The following DIS3L2 variants were observed in gnomAD, a reference collection of about 807,000 sequenced individuals.
The protein encoded by DIS3L2 is DIS3-like exonuclease 2.
A neutral mutation model predicts 97.5 loss-of-function variants in DIS3L2; 34 were observed. The observed-to-expected ratio is 0.35, with a 90% confidence interval of 0.27 to 0.46. DIS3L2 has a LOEUF of 0.46. DIS3L2 is among the 20% of genes least tolerant of loss of function. The pLI, the probability that DIS3L2 is intolerant of heterozygous loss-of-function variation, is 1.00. For missense variants in DIS3L2, 1,038 were observed against 1,146.0 expected (o/e 0.91, Z 1.36); for synonymous variants, 435 against 445.2 (o/e 0.98, Z 0.29).
At chr2:231,978,135 C>T (rs2106174194) in intron 1 of DIS3L2, among the ~76,000 whole-genome samples, 1 of 152,266 alleles carries the variant, frequency 6.6e-6, no homozygotes, top group Middle Eastern at 3.4e-3. Context: ...ATTCTATAGT[C>T]TTATTTGTTG....
At chr2:232,211,063 CAAAG>C (rs1194718831) in intron 10 of DIS3L2, among the ~76,000 whole-genome samples, 12 of 151,834 alleles carry the variant, frequency 7.9e-5, no homozygotes, top group Non-Finnish European at 1.8e-4. Flanking sequence ...AATTGACTCT[CAAAG>C]AAAAAATGTG....
In DIS3L2 at chr2:232,329,869, G is replaced by T; in HGVS notation, c.1796G>T (p.Arg599Leu). ...ATGGCAGTGGCCCACAAGATCCACC[G>T]CGCCTTCCCCGAGCAGGCCCTGCTG... The part of the protein sequence containing the change: ...ANMAVAHKIH[R>L]AFPEQALLRR... The change falls in exon 15 of 21, where the codon CGC (arginine) becomes CTC (leucine). Residue 599 changes from arginine (R) to leucine (L), a missense_variant. Arg to Leu is a moderately radical substitution (Grantham distance 102). This residue lies in a region of DIS3L2 where 813 missense variants were observed against 880.1 expected (regional missense o/e 0.92). Transcript: ENST00000325385. 1 of 1,398,384 alleles carries T rather than the reference G, an allele frequency of 7.2e-7. No individual in the cohort carries two copies. The highest frequency in any genetic ancestry group is 1.1e-5 in the South Asian group (1 of 87,742). The allele number at this position is 1,398,384 out of a possible 1,614,324, so 86.6% of individuals were successfully genotyped here.
intron 9 of DIS3L2, among the ~76,000 whole-genome samples, chr2:232,192,668 G>C (rs931643608): frequency 6.6e-6 from 1 of 152,222 alleles, no homozygotes; most frequent in Non-Finnish European, 1.5e-5. Flanking sequence ...AGGGGACAGT[G>C]TGGAAGTGGT....
At chr2:232,045,317 G>A (rs914666772) in intron 5 of DIS3L2, among the ~76,000 whole-genome samples, 1 of 152,160 alleles carries the variant, frequency 6.6e-6, no homozygotes, top group African/African-American at 2.4e-5. Flanking sequence ...CTTTGTTGGG[G>A]ATGTTTCTTA....
At chr2:232,007,776 A>G (rs1231670548) in intron 1 of DIS3L2, among the ~76,000 whole-genome samples, 1 of 152,202 alleles carries the variant, frequency 6.6e-6, no homozygotes, top group Admixed American at 6.5e-5. Flanking sequence ...GAACTATCTT[A>G]TCTGTTTACA....
chr2:232,282,604 G>A (rs1486265447), intron 13 of DIS3L2, among the ~76,000 whole-genome samples: 2 of 152,180 alleles, frequency 1.3e-5, no homozygotes, highest in African/African-American at 4.8e-5. Flanking sequence ...AGATGACCTC[G>A]TGGGCAGTTC....
At chr2:232,214,053 A>G (rs1352973012) in intron 10 of DIS3L2, among the ~76,000 whole-genome samples, 2 of 152,242 alleles carry the variant, frequency 1.3e-5, no homozygotes, top group East Asian at 1.9e-4. Context: ...CCAGCAATGT[A>G]GAGTTTTTCA....
intron 5 of DIS3L2, among the ~76,000 whole-genome samples, chr2:232,049,559 C>T (rs1034310051): frequency 6.6e-6 from 1 of 152,194 alleles, no homozygotes; most frequent in Non-Finnish European, 1.5e-5. Flanking sequence ...AGAAAGCCCT[C>T]ACCAGATGCT....
At chr2:232,305,961 A>T (rs1015278546) in intron 14 of DIS3L2, among the ~76,000 whole-genome samples, 1 of 152,100 alleles carries the variant, frequency 6.6e-6, no homozygotes, top group Admixed American at 6.5e-5. Flanking sequence ...TCTCAGAAAA[A>T]AAAAAAAAAG....
At chr2:232,176,153 A>G (rs1250230173) in intron 9 of DIS3L2, among the ~76,000 whole-genome samples, 1 of 152,228 alleles carries the variant, frequency 6.6e-6, no homozygotes, top group African/African-American at 2.4e-5. Context: ...GGCCTCCCAA[A>G]GTGCTGGGAT....
intron 13 of DIS3L2, among the ~76,000 whole-genome samples, chr2:232,270,846 GCT>G (rs1244674885): frequency 2.8e-5 from 4 of 145,400 alleles, no homozygotes; most frequent in African/African-American, 1.0e-4. Flanking sequence ...GCACTCGCGC[GCT>G]CTCTTTTTCT....
At chr2:232,096,050 T>C (rs1182839572) in intron 6 of DIS3L2, among the ~76,000 whole-genome samples, 1 of 151,666 alleles carries the variant, frequency 6.6e-6, no homozygotes. Flanking sequence ...TCCCTGACCT[T>C]TAGGAGTTTG....
intron 15 of DIS3L2, among the ~76,000 whole-genome samples, 176 bp from the exon 16 acceptor site, chr2:232,330,514 C>T (rs1695703899): frequency 1.3e-5 from 2 of 152,174 alleles, no homozygotes; most frequent in South Asian, 4.1e-4. Flanking sequence ...GAAGTGTGGG[C>T]CACAGGGTGT....
At chr2:232,213,544 T>G (rs1287978783) in intron 10 of DIS3L2, among the ~76,000 whole-genome samples, 1 of 152,042 alleles carries the variant, frequency 6.6e-6, no homozygotes, top group Admixed American at 6.6e-5. Flanking sequence ...TGGGGTGAGG[T>G]TGGCTAAGTT....
chr2:232,117,671 T>A (rs2106338516), intron 6 of DIS3L2, among the ~76,000 whole-genome samples: 1 of 152,280 alleles, frequency 6.6e-6, no homozygotes, highest in Middle Eastern at 3.4e-3. Flanking sequence ...ATCTGCCCAT[T>A]CAGACCTCAG....
At chr2:232,004,077 ATTTG>A (rs144275426) in intron 1 of DIS3L2, among the ~76,000 whole-genome samples, 20,184 of 151,316 alleles carry the variant, frequency 0.13, 1,796 homozygotes, top group South Asian at 0.34. Flanking sequence ...CCCCTTATTT[ATTTG>A]TTTTTTTTGG....
intron 5 of DIS3L2, among the ~76,000 whole-genome samples, chr2:232,078,310 C>T (rs1190277844): frequency 6.6e-6 from 1 of 152,180 alleles, no homozygotes; most frequent in East Asian, 1.9e-4. Context: ...TTCCAAAGTG[C>T]TGGGATAATA....
At chr2:232,030,920 T>G (rs11678443) in intron 5 of DIS3L2, among the ~76,000 whole-genome samples, 1,702 of 152,322 alleles carry the variant, frequency 0.011, 18 homozygotes, top group Non-Finnish European at 0.016. Context: ...TTTTGTTTTA[T>G]TTATTTGAAG....
In DIS3L2 at chr2:232,087,566, A is replaced by G. The variant is rs1213553749; in HGVS notation, c.446A>G (p.His149Arg). ...ATCCCCGAGGAGCTCTGTGGACACC[A>G]TCTCCCGCAACAGTCCCTGAAAAGC... ...SDIPEELCGH[H>R]LPQQSLKSYN... Residue 149 changes from histidine (H) to arginine (R), a missense_variant, in exon 6 of 21, where the codon CAT becomes CGT. Physicochemically the swap from His to Arg is conservative, Grantham distance 29 (BLOSUM62 0). Transcript: ENST00000325385. The G allele has an allele frequency of 6.2e-7, 1 of 1,614,002 alleles. No homozygotes were observed. The highest frequency in any genetic ancestry group is 1.3e-5 in the African/African-American group (1 of 74,892).
Sources: allele counts gnomAD v4.1 joint callset (sites outside exome capture counted in the v4.1 genomes callset), GRCh38; gene constraint gnomAD v4.1.1; regional missense constraint gnomAD v4.1.1; transcripts MANE v1.5; gene names NCBI Gene and HGNC (gene_info 2026-07-23, HGNC 2026-07-21).